SOX6: variants seen among roughly 807,000 people sequenced by gnomAD.
SOX6 encodes the protein SRY-box transcription factor 6.
A neutral mutation model predicts 97.8 loss-of-function variants in SOX6; 11 were observed. The observed-to-expected ratio is 0.11, with a 90% CI of 0.07 to 0.19. SOX6 has a LOEUF of 0.19. Ranked by LOEUF, SOX6 falls within the 10% of genes least tolerant of loss-of-function variation. The pLI is 1.00. For synonymous variants in SOX6, 360 were observed against 371.4 expected, an observed-to-expected ratio of 0.97 and a Z score of 0.35; for missense variants, 810 against 1,039.5, an observed-to-expected ratio of 0.78 and a Z score of 3.04.
chr11:16,076,667 G>A (rs568670328), intron 9 of SOX6, among the ~76,000 whole-genome samples: 4 of 151,120 alleles, frequency 2.6e-5, no homozygotes, highest in East Asian at 1.9e-4. Context: ...GATGGAAGGC[G>A]AAAGGGAAGC....
chr11:16,643,042 G>GT (rs1848947588), intron 3 of SOX6, among the ~76,000 whole-genome samples: 1 of 152,138 alleles, frequency 6.6e-6, no homozygotes, highest in African/African-American at 2.4e-5. Context: ...CATCGTTGTG[G>GT]TTTTATCTAC....
At chr11:16,284,701 T>G (rs1170384640) in intron 3 of SOX6, among the ~76,000 whole-genome samples, 1 of 152,086 alleles carries the variant, frequency 6.6e-6, no homozygotes, top group African/African-American at 2.4e-5. Context: ...AGAAGAGCTA[T>G]GATCCAGGAA....
At chr11:16,660,715 T>TG (rs1334495144) in intron 3 of SOX6, among the ~76,000 whole-genome samples, 1 of 152,200 alleles carries the variant, frequency 6.6e-6, no homozygotes, top group Non-Finnish European at 1.5e-5. Context: ...CTCTTATAGA[T>TG]GGGATTAGTA....
chr11:16,054,002 C>A (rs963558626), intron 10 of SOX6, among the ~76,000 whole-genome samples: 26 of 151,994 alleles, frequency 1.7e-4, no homozygotes, highest in African/African-American at 6.0e-4. Flanking sequence ...AGAAATATTT[C>A]CTTTGTTATT....
intron 6 of SOX6, among the ~76,000 whole-genome samples, chr11:16,165,421 A>C (rs1027667813): frequency 6.6e-6 from 1 of 152,158 alleles, no homozygotes; most frequent in Admixed American, 6.5e-5. Flanking sequence ...ACAACTCTCA[A>C]GATTTCTTAT....
At chr11:16,065,122 A>C (rs1028911840) in intron 9 of SOX6, among the ~76,000 whole-genome samples, 4 of 152,192 alleles carry the variant, frequency 2.6e-5, no homozygotes, top group Non-Finnish European at 5.9e-5. Flanking sequence ...AAAAACCTGA[A>C]GACTCCACAA....
intron 4 of SOX6, among the ~76,000 whole-genome samples, chr11:16,570,068 A>G (rs72859457): frequency 0.11 from 17,232 of 152,094 alleles, 1,026 homozygotes; most frequent in Non-Finnish European, 0.14. Flanking sequence ...AGCAATGCCC[A>G]TCTAAATCCC....
intron 1 of SOX6, among the ~76,000 whole-genome samples, chr11:16,373,120 C>T (rs772642090): frequency 6.6e-6 from 1 of 152,010 alleles, no homozygotes; most frequent in Non-Finnish European, 1.5e-5. Context: ...AATACATATA[C>T]TTCTATAAGC....
chr11:16,181,312 A>C (rs1851339594), intron 6 of SOX6, among the ~76,000 whole-genome samples: 1 of 149,726 alleles, frequency 6.7e-6, no homozygotes, highest in South Asian at 2.1e-4. Context: ...AGAGAAGTTA[A>C]GTTTCATTTT....
At chr11:16,426,173 G>A (rs1859124875) in intron 1 of SOX6, among the ~76,000 whole-genome samples, 1 of 139,184 alleles carries the variant, frequency 7.2e-6, no homozygotes, top group Non-Finnish European at 1.5e-5. Flanking sequence ...GGATAATGGT[G>A]TGAACCCGGG....
chr11:16,301,847 AAGTC>A (rs2134274782), intron 3 of SOX6, among the ~76,000 whole-genome samples: 1 of 152,208 alleles, frequency 6.6e-6, no homozygotes, highest in South Asian at 2.1e-4. Flanking sequence ...TCTAATCTCC[AAGTC>A]AGTCAATCGT....
chr11:16,233,198 A>G (rs574213512), intron 4 of SOX6, among the ~76,000 whole-genome samples: 1 of 152,248 alleles, frequency 6.6e-6, no homozygotes, highest in South Asian at 2.1e-4. Context: ...TGTTGGATAA[A>G]TTCAGAAAAC....
chr11:16,459,842 G>C (rs1859885365), intron 1 of SOX6, among the ~76,000 whole-genome samples: 1 of 151,912 alleles, frequency 6.6e-6, no homozygotes, highest in South Asian at 2.1e-4. Context: ...TGAGTTGTAG[G>C]ACAACTTGAA....
chr11:16,191,495 T>C (rs1232588845), intron 4 of SOX6, among the ~76,000 whole-genome samples: 1 of 152,066 alleles, frequency 6.6e-6, no homozygotes, highest in Non-Finnish European at 1.5e-5. Context: ...TAAATCATGT[T>C]TGGAGGTTTG....
At chr11:16,149,608 G>C (rs1400918642) in intron 6 of SOX6, among the ~76,000 whole-genome samples, 1 of 152,116 alleles carries the variant, frequency 6.6e-6, no homozygotes, top group Non-Finnish European at 1.5e-5. Flanking sequence ...GACAAAACTG[G>C]AAAAGGGAAA....
At position 16,291,363 on chromosome 11, in the gene SOX6, G is replaced by GAATAAATAAATAAATAAATAAATA. The variant is rs138094110; in HGVS notation, c.445+27059_445+27082dup. Among the ~76,000 whole-genome samples, 444 of 148,126 alleles carry GAATAAATAAATAAATAAATAAATA rather than the reference G, an allele frequency of 3.0e-3. 1 individual carries two copies. Among genetic ancestry groups the GAATAAATAAATAAATAAATAAATA allele is most frequent in the Non-Finnish European group, 4.7e-3 (316 of 66,946 alleles). ...TAATATCCTGCTCAATATAATGAAT[G>GAATAAATAAATAAATAAATAAATA]AATAAATAAATAAATAAATAAATAA... On this transcript the variant is annotated intron_variant, in intron 3 of 15. Coordinates refer to ENST00000683767, the MANE Select transcript of SOX6 (RefSeq NM_001367873.1).
At chr11:16,625,534 G>A (rs1848612282) in intron 3 of SOX6, among the ~76,000 whole-genome samples, 1 of 152,268 alleles carries the variant, frequency 6.6e-6, no homozygotes, top group Admixed American at 6.5e-5. Context: ...TGTGAGAGGA[G>A]CATCTTTTGT....
chr11:16,585,474 T>C (rs138161020), intron 4 of SOX6, among the ~76,000 whole-genome samples: 1 of 152,198 alleles, frequency 6.6e-6, no homozygotes, highest in African/African-American at 2.4e-5. Flanking sequence ...TGTTAGAAAG[T>C]GGTGGAGTAT....
At chr11:16,674,215 C>T (rs1847869247) in intron 3 of SOX6, among the ~76,000 whole-genome samples, 1 of 106,852 alleles carries the variant, frequency 9.4e-6, no homozygotes. Flanking sequence ...AAAAATCATT[C>T]ATCATGATCA....
Sources: allele counts gnomAD v4.1 joint callset (sites outside exome capture counted in the v4.1 genomes callset), GRCh38; gene constraint gnomAD v4.1.1; transcripts MANE v1.5; gene names NCBI Gene and HGNC (gene_info 2026-07-23, HGNC 2026-07-21).